The following ULK1 variants were observed in gnomAD, a reference collection of about 807,000 sequenced individuals.
ULK1 encodes serine/threonine-protein kinase ULK1.
ULK1 carries 48 observed loss-of-function variants against 117.5 expected under a neutral mutation model. The observed-to-expected ratio is 0.41, with a 90% confidence interval of 0.32 to 0.52. ULK1 has a LOEUF of 0.52. Among genes scored for constraint, ULK1 ranks in the 20% least tolerant of loss-of-function variants. ULK1 has a pLI of 0.29. For missense variants in ULK1, 1,387 were observed against 1,473.4 expected (o/e 0.94, Z 0.96); for synonymous variants, 790 against 637.8 (o/e 1.24, Z -3.60).
chr12:131,918,423 G>A, intron 22 of ULK1, 74 bp from the exon 23 acceptor site: 4 of 1,503,398 alleles, frequency 2.7e-6, no homozygotes, highest in Non-Finnish European at 3.6e-6. Context: ...GGAGGTGTGG[G>A]AGTCTGTGGG....
chr12:131,909,654 G>C, intron 8 of ULK1, 121 bp from the exon 9 acceptor site: 1 of 1,082,384 alleles, frequency 9.2e-7, no homozygotes, highest in East Asian at 2.7e-5. Flanking sequence ...CTAGCACCCG[G>C]TTTCCCCCGG....
intron 19 of ULK1, 104 bp from the exon 20 acceptor site, chr12:131,916,294 C>T: frequency 4.0e-6 from 6 of 1,509,028 alleles, no homozygotes; most frequent in Non-Finnish European, 5.3e-6. Context: ...TCAGGCTGCT[C>T]CCACATGCCT....
In ULK1 at chr12:131,910,625, G is replaced by A. The variant is rs1593267165; in HGVS notation, c.860-87G>A. 3 of 1,611,582 alleles carry A rather than the reference G, an allele frequency of 1.9e-6. No homozygotes were observed. In the East Asian group the frequency reaches 6.7e-5, roughly 36 times the overall value. Reference sequence around the variant, plus strand: ...TGTAGCCGGAAGTGGAGGGGATATGGTTGAGCTTGTCCAGTCTGTGGGTTG... The same window carrying A: ...TGTAGCCGGAAGTGGAGGGGATATGATTGAGCTTGTCCAGTCTGTGGGTTG... On this transcript the variant is annotated intron_variant, in intron 11 of 27. Coordinates refer to ENST00000321867, the MANE Select transcript of ULK1 (RefSeq NM_003565.4).
At chr12:131,895,161 C>T (rs1465973622) in intron 1 of ULK1, 49 bp downstream of exon 1, 1 of 1,341,804 alleles carries the variant, frequency 7.5e-7, no homozygotes, top group South Asian at 1.4e-5. Flanking sequence ...TCCCCTGCCC[C>T]TGCATCCCCG....
At position 131,922,388 on chromosome 12, in the gene ULK1, G is replaced by A. The variant is rs1006176433; in HGVS notation, c.*1027G>A. On this transcript the variant is annotated 3_prime_UTR_variant, in exon 28 of 28. Coordinates refer to ENST00000321867, the MANE Select transcript of ULK1 (RefSeq NM_003565.4). ...CCCTCCCTACCTGGGCCTGGAAGCAGATGAGGGGAATACTTCATGCAAAGA... is the reference window on the plus strand; with the variant it reads ...CCCTCCCTACCTGGGCCTGGAAGCAAATGAGGGGAATACTTCATGCAAAGA... The A allele has an allele frequency of 4.2e-6, 1 of 237,168 alleles. No homozygotes were observed. The highest frequency in any genetic ancestry group is 4.4e-5 in the South Asian group (1 of 22,850). The allele number at this position is 237,168 out of a possible 1,614,324, so 14.7% of individuals were successfully genotyped here.
intron 26 of ULK1, chr12:131,920,850 C>T (rs574573693): frequency 5.4e-5 from 28 of 517,996 alleles, no homozygotes; most frequent in African/African-American, 7.6e-5. Context: ...ACTGACTGAG[C>T]GGCGGGCACT....
At chr12:131,911,841 G>T (rs996141223) in intron 12 of ULK1, 101 bp from the exon 13 acceptor site, 2 of 1,543,524 alleles carry the variant, frequency 1.3e-6, no homozygotes, top group Non-Finnish European at 8.8e-7. Context: ...CCAGCGCCCC[G>T]ATCTTTACTG....
In ULK1 at chr12:131,915,918, G is replaced by A. The variant is rs146175892; in HGVS notation, c.1637G>A (p.Arg546His). Residue 546 changes from arginine to histidine, a missense_variant, in exon 19 of 28, where the codon CGC becomes CAC. Transcript: ENST00000321867. ...PGSSAPEHSP[R>H]TSGLGCRLHS... is the part of the protein sequence containing the mutation. ...TCCTCTGCACCCGAGCACTCTCCCC[G>A]CACTTCCGGGCTGGGCTGCCGCCTG... is the stretch of plus-strand genomic sequence containing the variant. 162 of 1,611,710 alleles carry A rather than the reference G, an allele frequency of 1.0e-4. 1 individual carries two copies. Among genetic ancestry groups the A allele is most frequent in the Middle Eastern group, 8.2e-4 (5 of 6,082 alleles).
At chr12:131,910,545 G>A (rs1323106926) in intron 11 of ULK1, among the ~76,000 whole-genome samples, 167 bp from the exon 12 acceptor site, 2 of 152,128 alleles carry the variant, frequency 1.3e-5, no homozygotes, top group Non-Finnish European at 2.9e-5. Flanking sequence ...GTGCTGCCCT[G>A]TGACAGTCAT....
Position 131,921,732 on chromosome 12 carries a change from G to T in ULK1, c.*371G>T. Reference sequence around the variant, plus strand: ...CCAAAGCGAGCTCCTGCTTAGGGAAGGTCAGCAGGCACTGTGCCCAGGAAG... The same window carrying T: ...CCAAAGCGAGCTCCTGCTTAGGGAATGTCAGCAGGCACTGTGCCCAGGAAG... On this transcript the variant is annotated 3_prime_UTR_variant, in exon 28 of 28. Transcript: ENST00000321867. 1.8e-6 allele frequency: 1 copy of T among 567,820 alleles called. No homozygotes were observed. Among genetic ancestry groups the T allele is most frequent in the Non-Finnish European group, 3.3e-6 (1 of 299,068 alleles). 35.2% of individuals were successfully genotyped at this position (567,820 alleles called of 1,614,324 possible). A position where few individuals can be genotyped will look rare whatever the true frequency, so the allele number is the denominator to read the frequency against.
chr12:131,905,999 G>A (rs1474321623), intron 3 of ULK1, among the ~76,000 whole-genome samples: 14 of 152,352 alleles, frequency 9.2e-5, no homozygotes, highest in Non-Finnish European at 1.5e-5. Context: ...GCATTGGGGC[G>A]AGGGATGGCA....
rs141395520 is a variant in ULK1 at position 131,912,660 on chromosome 12, G to A, written c.1097-538G>A. Among the ~76,000 whole-genome samples, 257 of 152,314 alleles carry A rather than the reference G, an allele frequency of 1.7e-3. 3 individuals are homozygous for A. The East Asian group carries it at 0.044, about 26-fold the overall frequency. On this transcript the variant is annotated intron_variant, in intron 13 of 27. Transcript: ENST00000321867. ...TGCCAGGGACACAATGACTCATGCCGAGCCCTCCGCCTCTCCCATCAGCAT... is the reference window on the plus strand; with the variant it reads ...TGCCAGGGACACAATGACTCATGCCAAGCCCTCCGCCTCTCCCATCAGCAT...
At chr12:131,909,428 C>T (rs1889423147) in intron 8 of ULK1, among the ~76,000 whole-genome samples, 191 bp downstream of exon 8, 1 of 152,292 alleles carries the variant, frequency 6.6e-6, no homozygotes, top group East Asian at 1.9e-4. Flanking sequence ...GCGCCGCCGG[C>T]GGTGACTGGG....
In ULK1 at chr12:131,909,770, C is replaced by T. The variant is rs1031507035; in HGVS notation, c.667-5C>T. The T allele has an allele frequency of 1.2e-6, 2 of 1,603,412 alleles. No homozygotes were observed. Among genetic ancestry groups the T allele is most frequent in the East Asian group, 2.2e-5 (1 of 44,568 alleles). ...CTGGCAGTCAGGCTGTCCCCGTCCC[C>T]GCAGGCCAGCAGCCCCCAGGACCTG... On this transcript the variant is annotated splice_polypyrimidine_tract_variant and splice_region_variant and intron_variant, in intron 8 of 27. Transcript: ENST00000321867.
Position 131,922,453 on chromosome 12 carries a change from C to T in ULK1, c.*1092C>T, listed in dbSNP as rs1397728086. 1.1e-5 allele frequency: 2 copies of T among 186,898 alleles called. No homozygotes were observed. The highest frequency in any genetic ancestry group is 2.4e-5 in the African/African-American group (1 of 42,136). The allele number at this position is 186,898 out of a possible 1,614,324, so 11.6% of individuals were successfully genotyped here. A position where few individuals can be genotyped will look rare whatever the true frequency, so the allele number is the denominator to read the frequency against. ...GCAAAAGCTCCCCGTCCAGCTTTGACAGTCAGTTTTGATGTCAGCTCCTCG... is the reference window on the plus strand; with the variant it reads ...GCAAAAGCTCCCCGTCCAGCTTTGATAGTCAGTTTTGATGTCAGCTCCTCG... On this transcript the variant is annotated 3_prime_UTR_variant, in exon 28 of 28. Transcript: ENST00000321867.
chr12:131,919,807 A>G, intron 25 of ULK1, 172 bp from the exon 26 acceptor site: 2 of 1,112,378 alleles, frequency 1.8e-6, no homozygotes, highest in Non-Finnish European at 2.5e-6. Flanking sequence ...GTGGGGTCGG[A>G]TGGCACCCGG....
chr12:131,919,497 C>T lies in ULK1; in HGVS notation c.2710C>T (p.Leu904=). 1 of 1,611,940 alleles carries T rather than the reference C, an allele frequency of 6.2e-7. No individual in the cohort carries two copies. The highest frequency in any genetic ancestry group is 1.1e-5 in the South Asian group (1 of 91,086). Residue 904 remains leucine (L), a synonymous_variant, in exon 25 of 28, where the codon CTG becomes TTG. Coordinates refer to ENST00000321867, the MANE Select transcript of ULK1 (RefSeq NM_003565.4). ...WGFAEQLVLY[L]KVAELLSSGL... Reference sequence around the variant, plus strand: ...CTTCGCGGAACAGCTGGTGCTGTACCTGAAGGTGGCCGAGCTACTGTCCTC... The same window carrying T: ...CTTCGCGGAACAGCTGGTGCTGTACTTGAAGGTGGCCGAGCTACTGTCCTC...
intron 10 of ULK1, 125 bp from the exon 11 acceptor site, chr12:131,910,129 A>G: frequency 2.6e-6 from 4 of 1,562,686 alleles, no homozygotes; most frequent in Non-Finnish European, 3.5e-6. Flanking sequence ...AGCCAAGCGC[A>G]GGCAGGGGCT....
chr12:131,921,388 T>TCCTGCCGAGC lies in ULK1; in HGVS notation c.*33_*42dup, dbSNP rs759019938. On this transcript the variant is annotated 3_prime_UTR_variant, in exon 28 of 28. Transcript: ENST00000321867. ...CTTTCTGGCCTGGCTGGGCCCCCCG[T>TCCTGCCGAGC]CCTGCCGAGCCCTGCAGAGTGGGCT... The TCCTGCCGAGC allele has an allele frequency of 8.1e-6, 13 of 1,600,604 alleles. No homozygotes were observed. The East Asian group carries it at 2.2e-4, about 27-fold the overall frequency.
Sources: gnomAD v4.1 joint callset for allele counts (sites outside exome capture counted in the v4.1 genomes callset) on GRCh38, gnomAD v4.1.1 for gene constraint, MANE v1.5 for transcripts, NCBI Gene and HGNC (gene_info 2026-07-23, HGNC 2026-07-21) for gene names.